The following COL4A5 variants were observed in gnomAD, a reference collection of about 807,000 sequenced individuals.
The protein encoded by COL4A5 is collagen alpha-5(IV) chain.
In COL4A5, 26 loss-of-function variants were observed where a neutral mutation model predicts 130.2. The observed-to-expected ratio is 0.20, with a 90% CI of 0.15 to 0.28. The LOEUF (loss-of-function observed/expected upper bound fraction) is 0.28, where lower values mean the gene tolerates loss of function less well. Ranked by LOEUF, COL4A5 falls within the 10% of genes least tolerant of loss-of-function variation. COL4A5 has a pLI of 1.00. For missense variants in COL4A5, 1,131 were observed against 1,344.3 expected, an observed-to-expected ratio of 0.84 and a Z score of 2.48; for synonymous variants, 496 against 439.6, an observed-to-expected ratio of 1.13 and a Z score of -1.60.
Position 108,624,340 on chromosome X carries a change from T to C in COL4A5, c.3016+6T>C, listed in dbSNP as rs1158827926. The C allele has an allele frequency of 3.4e-6, 4 of 1,160,533 alleles. No homozygotes were observed. The South Asian group carries it at 5.5e-5, about 16-fold the overall frequency. ...TGGATTACCAGGACCACCAGGTAAG[T>C]GTGATAGGCCATTTGTAGCAATTGC... On this transcript the variant is annotated splice_donor_region_variant and intron_variant, in intron 34 of 52. Transcript: ENST00000328300.
At chrX:108,669,226 G>A (rs978110070) in intron 41 of COL4A5, among the ~76,000 whole-genome samples, 5 of 112,047 alleles carry the variant, frequency 4.5e-5, no homozygotes, top group East Asian at 5.6e-4. Flanking sequence ...ATGTCACTGA[G>A]CCTAGTCACT....
intron 2 of COL4A5, among the ~76,000 whole-genome samples, chrX:108,549,115 G>A (rs908490217): frequency 1.8e-5 from 2 of 111,638 alleles, no homozygotes; most frequent in African/African-American, 6.5e-5. Context: ...TTAACAGAAA[G>A]CACTGTTTCA....
intron 35 of COL4A5, 99 bp downstream of exon 35, chrX:108,625,893 G>T (rs2067144517): frequency 1.6e-6 from 1 of 630,375 alleles, no homozygotes; most frequent in African/African-American, 2.2e-5. Context: ...GATAGAATCA[G>T]ACTGAAACGA....
rs745527373 is a variant in COL4A5 at position 108,466,132 on chromosome X, T to A, written c.81+25926T>A. Among the ~76,000 whole-genome samples the A allele has an allele frequency of 3.6e-5, 4 of 111,778 alleles. No homozygotes were observed. In the South Asian group the frequency reaches 1.5e-3, roughly 41 times the overall value. On this transcript the variant is annotated intron_variant, in intron 1 of 52. Transcript: ENST00000328300. ...ATTGTATGGATATACCACATTTTGCTTATTCGTTCATCCATTGTTGGACAT... is the reference window on the plus strand; with the variant it reads ...ATTGTATGGATATACCACATTTTGCATATTCGTTCATCCATTGTTGGACAT...
At chrX:108,594,492 G>T (rs1191704092) in intron 21 of COL4A5, among the ~76,000 whole-genome samples, 1 of 110,668 alleles carries the variant, frequency 9.0e-6, no homozygotes, top group Non-Finnish European at 1.9e-5. Context: ...TTTTCTACTA[G>T]ATTCTCATTT....
At chrX:108,599,177 G>A (rs755211632) in intron 25 of COL4A5, among the ~76,000 whole-genome samples, 4 of 111,270 alleles carry the variant, frequency 3.6e-5, no homozygotes, top group Non-Finnish European at 7.5e-5. Flanking sequence ...AAAATAGAAT[G>A]TTACCAGCAT....
At chrX:108,630,773 G>A (rs1188623643) in intron 36 of COL4A5, among the ~76,000 whole-genome samples, 1 of 111,951 alleles carries the variant, frequency 8.9e-6, no homozygotes, top group African/African-American at 3.2e-5. Context: ...TTCTTCTAGG[G>A]TTTTTATGGT....
rs1476642046 is a variant in COL4A5, at chrX:108,687,911, T to A, written c.4528+217T>A. On this transcript the variant is annotated intron_variant, in intron 49 of 52. Coordinates refer to ENST00000328300, the MANE Select transcript of COL4A5 (RefSeq NM_033380.3). ...AAAGCATTAATTAGCTCTTGTGAGG[T>A]ACAATTCTTGGCCTAAAGCAGATCA... Among the ~76,000 whole-genome samples the A allele has an allele frequency of 4.5e-5, 5 of 112,250 alleles. No individual in the cohort carries two copies. The East Asian group carries it at 1.1e-3, about 25-fold the overall frequency.
At chrX:108,499,585 G>A (rs913281761) in intron 1 of COL4A5, among the ~76,000 whole-genome samples, 1 of 111,333 alleles carries the variant, frequency 9.0e-6, no homozygotes, top group Non-Finnish European at 1.9e-5. Context: ...TAATGAAGCT[G>A]TCTTGGCCTA....
chrX:108,509,304 G>A (rs1292349902), intron 1 of COL4A5, among the ~76,000 whole-genome samples: 3 of 111,280 alleles, frequency 2.7e-5, no homozygotes, highest in African/African-American at 9.8e-5. Flanking sequence ...AAGAGGGAGA[G>A]GATCAGGAAA....
At chrX:108,615,330 T>C (rs111536950) in intron 30 of COL4A5, among the ~76,000 whole-genome samples, 134 of 111,978 alleles carry the variant, frequency 1.2e-3, no homozygotes, top group African/African-American at 3.9e-3. Flanking sequence ...AAACTTCTAG[T>C]GCTGATCATT....
chrX:108,451,235 A>G (rs934879450), intron 1 of COL4A5, among the ~76,000 whole-genome samples: 2 of 110,646 alleles, frequency 1.8e-5, no homozygotes, highest in Non-Finnish European at 3.8e-5. Context: ...TTCTTAATCC[A>G]GTCTATCATT....
intron 51 of COL4A5, 167 bp downstream of exon 51, chrX:108,695,088 T>C: frequency 1.5e-6 from 1 of 680,117 alleles, no homozygotes; most frequent in Non-Finnish European, 2.3e-6. Flanking sequence ...TGTAACATAT[T>C]TTCATAATCT....
rs369520278 is a variant in COL4A5, at chrX:108,563,849, C to T, written c.232-33C>T. Reference sequence around the variant, plus strand: ...ATGAGTTATTTGAGGACTTTTTTGACGGACAAAAACCTAAAAATATTGCAT... The same window carrying T: ...ATGAGTTATTTGAGGACTTTTTTGATGGACAAAAACCTAAAAATATTGCAT... On this transcript the variant is annotated intron_variant, in intron 3 of 52. Transcript: ENST00000328300. 65 of 1,180,441 alleles carry T rather than the reference C, an allele frequency of 5.5e-5. No homozygotes were observed. In the East Asian group the frequency reaches 7.8e-4, roughly 14 times the overall value.
intron 36 of COL4A5, among the ~76,000 whole-genome samples, chrX:108,638,800 G>A (rs1474902904): frequency 9.0e-6 from 1 of 111,306 alleles, no homozygotes; most frequent in African/African-American, 3.3e-5. Flanking sequence ...ATTCCAAAAA[G>A]GAAATTAAGA....
At chrX:108,631,542 C>T (rs1417624150) in intron 36 of COL4A5, among the ~76,000 whole-genome samples, 1 of 111,066 alleles carries the variant, frequency 9.0e-6, no homozygotes. Context: ...CTCTCAGCAC[C>T]ACATTGCACT....
chrX:108,481,322 A>G (rs1282901058), intron 1 of COL4A5, among the ~76,000 whole-genome samples: 1 of 111,031 alleles, frequency 9.0e-6, no homozygotes, highest in Non-Finnish European at 1.9e-5. Context: ...GATGGGAAAA[A>G]GATTCACTGC....
chrX:108,473,634 T>TATA (rs1556359558), intron 1 of COL4A5, among the ~76,000 whole-genome samples: 2 of 22,927 alleles, frequency 8.7e-5, no homozygotes, highest in South Asian at 3.1e-3. Flanking sequence ...TATATATATA[T>TATA]TTTTTTTTTT....
chrX:108,475,194 A>T (rs2064819637), intron 1 of COL4A5, among the ~76,000 whole-genome samples: 1 of 111,369 alleles, frequency 9.0e-6, no homozygotes, highest in South Asian at 3.8e-4. Context: ...GAGTCTTTGT[A>T]TACATGTTTA....
Sources: allele counts gnomAD v4.1 joint callset (sites outside exome capture counted in the v4.1 genomes callset), GRCh38; gene constraint gnomAD v4.1.1; transcripts MANE v1.5; gene names NCBI Gene and HGNC (gene_info 2026-07-23, HGNC 2026-07-21).